NPAS3: variants seen among roughly 807,000 people sequenced by gnomAD.
NPAS3 encodes neuronal PAS domain protein 3.
A neutral mutation model predicts 73.1 loss-of-function variants in NPAS3; 14 were observed. The observed-to-expected ratio is 0.19, with a 90% CI of 0.13 to 0.30. The LOEUF is 0.30. NPAS3 is among the 10% of genes least tolerant of loss of function. NPAS3 has a pLI of 1.00. For synonymous variants in NPAS3, 620 were observed against 541.5 expected (o/e 1.14, Z -2.01); for missense variants, 1,096 against 1,250.0 (o/e 0.88, Z 1.86).
intron 2 of NPAS3, among the ~76,000 whole-genome samples, chr14:33,092,545 A>C (rs1349761430): frequency 6.6e-6 from 1 of 152,226 alleles, no homozygotes; most frequent in Non-Finnish European, 1.5e-5. Context: ...CATACTGTCC[A>C]AGGTAATTTA....
chr14:33,466,800 C>T (rs1471333415), intron 4 of NPAS3, among the ~76,000 whole-genome samples: 1 of 152,138 alleles, frequency 6.6e-6, no homozygotes, highest in Non-Finnish European at 1.5e-5. Context: ...TCACTATACA[C>T]TACCAAGGGA....
intron 4 of NPAS3, among the ~76,000 whole-genome samples, chr14:33,422,214 G>T (rs933202146): frequency 3.9e-5 from 6 of 151,902 alleles, no homozygotes; most frequent in African/African-American, 1.4e-4. Context: ...AACATTTTGA[G>T]ATTCTCATCT....
At chr14:32,947,397 T>C (rs962390567) in intron 1 of NPAS3, among the ~76,000 whole-genome samples, 2 of 152,124 alleles carry the variant, frequency 1.3e-5, no homozygotes, top group African/African-American at 2.4e-5. Context: ...GAGACATGAA[T>C]GAATATGGAT....
At chr14:33,678,238 A>C (rs934764691) in intron 6 of NPAS3, among the ~76,000 whole-genome samples, 6 of 151,968 alleles carry the variant, frequency 3.9e-5, no homozygotes, top group African/African-American at 1.5e-4. Context: ...GAGGCTGCCC[A>C]CTCCCTTGTT....
intron 3 of NPAS3, among the ~76,000 whole-genome samples, chr14:33,242,352 A>T (rs2048238785): frequency 6.6e-6 from 1 of 152,036 alleles, no homozygotes; most frequent in African/African-American, 2.4e-5. Flanking sequence ...GGAATTTCAG[A>T]TTTTTGTATG....
At chr14:33,362,918 A>G (rs190899738) in intron 3 of NPAS3, among the ~76,000 whole-genome samples, 210 of 152,218 alleles carry the variant, frequency 1.4e-3, no homozygotes, top group African/African-American at 4.7e-3. Flanking sequence ...ACCTTCTTCA[A>G]GTGATCCCTC....
intron 4 of NPAS3, among the ~76,000 whole-genome samples, chr14:33,468,780 T>A (rs2050647909): frequency 6.6e-6 from 1 of 152,222 alleles, no homozygotes; most frequent in Non-Finnish European, 1.5e-5. Flanking sequence ...TCATCAAGCA[T>A]TGATTTAGCA....
chr14:33,801,049 C>G, exon 12 of NPAS3: 2 of 1,594,190 alleles, frequency 1.3e-6, no homozygotes, highest in South Asian at 2.3e-5. Context: ...CCACGCTGCC[C>G]TTCCCCGTCT....
chr14:33,075,670 G>A (rs972638672), intron 2 of NPAS3, among the ~76,000 whole-genome samples: 1 of 152,176 alleles, frequency 6.6e-6, no homozygotes, highest in African/African-American at 2.4e-5. Context: ...TTAGGCCATT[G>A]AGCTGGCAAA....
At chr14:33,240,363 A>C (rs951520319) in intron 3 of NPAS3, among the ~76,000 whole-genome samples, 26 of 151,196 alleles carry the variant, frequency 1.7e-4, no homozygotes, top group African/African-American at 5.6e-4. Flanking sequence ...CCCTACTCTT[A>C]TTTTTCTTTT....
intron 4 of NPAS3, among the ~76,000 whole-genome samples, chr14:33,468,655 AT>A (rs1238966255): frequency 2.0e-5 from 3 of 152,172 alleles, no homozygotes; most frequent in Admixed American, 6.5e-5. Context: ...TTCTGAGAGC[AT>A]TTTCACAAAG....
intron 5 of NPAS3, among the ~76,000 whole-genome samples, chr14:33,675,821 C>T (rs1891369951): frequency 6.6e-6 from 1 of 152,148 alleles, no homozygotes; most frequent in Non-Finnish European, 1.5e-5. Context: ...CTATCCAAAA[C>T]CCAAACTTCT....
intron 1 of NPAS3, among the ~76,000 whole-genome samples, chr14:33,026,338 A>T (rs1462652511): frequency 6.6e-6 from 1 of 152,162 alleles, no homozygotes; most frequent in African/African-American, 2.4e-5. Flanking sequence ...TTGTATGTTA[A>T]TCAACTGTTC....
At chr14:33,435,945 G>C (rs1320816196) in intron 4 of NPAS3, among the ~76,000 whole-genome samples, 3 of 152,146 alleles carry the variant, frequency 2.0e-5, no homozygotes, top group East Asian at 1.9e-4. Flanking sequence ...AGACATCACA[G>C]GTTGTCCTAA....
intron 6 of NPAS3, among the ~76,000 whole-genome samples, chr14:33,690,465 T>G (rs965868720): frequency 1.3e-5 from 2 of 152,076 alleles, no homozygotes; most frequent in Non-Finnish European, 2.9e-5. Context: ...TGGACAAAAT[T>G]CAAGCCAATG....
Position 33,400,079 on chromosome 14 carries a change from A to C in NPAS3, c.468+32811A>C, listed in dbSNP as rs1200944472. 3.9e-5 allele frequency among the ~76,000 whole-genome samples: 6 copies of C among 152,256 alleles called. No individual in the cohort carries two copies. The South Asian group carries it at 1.2e-3, about 32-fold the overall frequency. On this transcript the variant is annotated intron_variant, in intron 4 of 11. Transcript: ENST00000356141. ...GAAGTTTTTGAGGCTTATCAGCCAA[A>C]AATGTATTTACAGCTTCTGATAATT...
intron 5 of NPAS3, among the ~76,000 whole-genome samples, chr14:33,571,298 CCTT>C (rs771487789): frequency 6.6e-6 from 1 of 152,112 alleles, no homozygotes; most frequent in African/African-American, 2.4e-5. Flanking sequence ...TTCTCAGGCT[CCTT>C]CTTCTTTAAA....
intron 4 of NPAS3, among the ~76,000 whole-genome samples, chr14:33,411,703 C>A (rs776350010): frequency 6.6e-6 from 1 of 152,154 alleles, no homozygotes; most frequent in Non-Finnish European, 1.5e-5. Context: ...CTGACAATTT[C>A]GAACATGCCT....
chr14:33,617,488 A>G (rs2057955196), intron 5 of NPAS3, among the ~76,000 whole-genome samples: 1 of 152,158 alleles, frequency 6.6e-6, no homozygotes, highest in Non-Finnish European at 1.5e-5. Context: ...TGCCAGGATT[A>G]AGATCTGTGA....
Sources: allele counts gnomAD v4.1 joint callset (sites outside exome capture counted in the v4.1 genomes callset), GRCh38; gene constraint gnomAD v4.1.1; transcripts MANE v1.5; gene names NCBI Gene and HGNC (gene_info 2026-07-23, HGNC 2026-07-21).